ZBTB2: variants seen among roughly 807,000 people sequenced by gnomAD.
ZBTB2 encodes the protein zinc finger and BTB domain containing 2.
In ZBTB2, 2 loss-of-function variants were observed where a neutral mutation model predicts 39.5. The ratio of observed to expected loss-of-function variants is 0.05; its 90% confidence interval spans 0.02 to 0.16. The LOEUF (loss-of-function observed/expected upper bound fraction) is 0.16, where lower values mean the gene tolerates loss of function less well. Ranked by LOEUF, ZBTB2 falls within the 10% of genes least tolerant of loss-of-function variation. ZBTB2 has a pLI of 1.00. For synonymous variants in ZBTB2, 251 were observed against 256.6 expected (o/e 0.98, Z 0.21); for missense variants, 391 against 653.0 (o/e 0.60, Z 4.37).
chr6:151,364,832 CTGTT>C lies in ZBTB2; in HGVS notation c.*685_*688del, dbSNP rs1437751044. On this transcript the variant is annotated 3_prime_UTR_variant, in exon 3 of 3. Coordinates refer to ENST00000325144, the MANE Select transcript of ZBTB2 (RefSeq NM_020861.3). The stretch of plus-strand genomic sequence containing the variant: ...GAGATAAGGATGTGCATTAATTCAC[CTGTT>C]TATTAGCAAGTACCCACACATTTTT... The C allele has an allele frequency of 6.7e-6, 1 of 149,016 alleles. No individual in the cohort carries two copies. The highest frequency in any genetic ancestry group is 1.5e-5 in the Non-Finnish European group (1 of 67,882). The allele number at this position is 149,016 out of a possible 1,614,324, so 9.2% of individuals were successfully genotyped here.
At chr6:151,371,268 G>A (rs1050386396) in intron 2 of ZBTB2, among the ~76,000 whole-genome samples, 1 of 152,162 alleles carries the variant, frequency 6.6e-6, no homozygotes, top group African/African-American at 2.4e-5. Flanking sequence ...TGGCGGCAAA[G>A]ATTTGTAAAA....
chr6:151,368,275 T>C (rs1236619262), intron 2 of ZBTB2, among the ~76,000 whole-genome samples: 1 of 151,798 alleles, frequency 6.6e-6, no homozygotes, highest in African/African-American at 2.4e-5. Flanking sequence ...GCCTCCAGAG[T>C]AGCTGGGACT....
At chr6:151,387,844 T>C (rs1779193774) in intron 1 of ZBTB2, among the ~76,000 whole-genome samples, 2 of 152,236 alleles carry the variant, frequency 1.3e-5, no homozygotes, top group African/African-American at 4.8e-5. Context: ...AAAATGGATC[T>C]ACATATGTTG....
rs1778621822 is a variant in ZBTB2 at position 151,365,439 on chromosome 6, G to A, written c.*82C>T. 4 of 1,458,340 alleles carry A rather than the reference G, an allele frequency of 2.7e-6. No homozygotes were observed. Among genetic ancestry groups the A allele is most frequent in the Non-Finnish European group, 2.8e-6 (3 of 1,079,498 alleles). 90.3% of individuals were successfully genotyped at this position (1,458,340 alleles called of 1,614,324 possible). On this transcript the variant is annotated 3_prime_UTR_variant, in exon 3 of 3. Transcript: ENST00000325144. This position sits in a 1 kb window ranked among gnomAD's most constrained non-coding sequence, Gnocchi z 5.6. ...AAGGACCTGTTTGTATCATGCCATGGAGAACTACAGTTCTGAATTCAGGGA... is the reference window on the plus strand; with the variant it reads ...AAGGACCTGTTTGTATCATGCCATGAAGAACTACAGTTCTGAATTCAGGGA...
intron 2 of ZBTB2, among the ~76,000 whole-genome samples, chr6:151,371,732 T>G (rs1778793507): frequency 3.3e-5 from 5 of 152,122 alleles, no homozygotes. Context: ...CCCAGTATAG[T>G]AGGTTTCTCA....
At chr6:151,373,708 T>C in intron 1 of ZBTB2, 59 bp from the exon 2 acceptor site, 2 of 1,492,218 alleles carry the variant, frequency 1.3e-6, no homozygotes, top group Non-Finnish European at 1.8e-6. Flanking sequence ...ATGTGTCCTT[T>C]ATAGTCACCA....
At chr6:151,367,061 G>A (rs767274911) in intron 2 of ZBTB2, among the ~76,000 whole-genome samples, 169 bp from the exon 3 acceptor site, 1 of 151,870 alleles carries the variant, frequency 6.6e-6, no homozygotes, top group Non-Finnish European at 1.5e-5. Flanking sequence ...CGAAGTTCAC[G>A]TTAAAGAAAT....
At chr6:151,374,270 C>T (rs1163488065) in intron 1 of ZBTB2, among the ~76,000 whole-genome samples, 5 of 152,104 alleles carry the variant, frequency 3.3e-5, no homozygotes, top group African/African-American at 7.2e-5. Flanking sequence ...TTAACACTTA[C>T]GGAGGAAGTG....
At chr6:151,373,230 C>T (rs555983667) in intron 2 of ZBTB2, among the ~76,000 whole-genome samples, 2 of 147,436 alleles carry the variant, frequency 1.4e-5, no homozygotes, top group East Asian at 2.0e-4. Context: ...GCAGGTGACA[C>T]CCAGCGAGGG....
Position 151,364,164 on chromosome 6 carries a change from C to G in ZBTB2, c.*1357G>C, listed in dbSNP as rs916179633. The G allele has an allele frequency of 2.0e-5, 3 of 152,430 alleles. No homozygotes were observed. The highest frequency in any genetic ancestry group is 7.2e-5 in the African/African-American group (3 of 41,380). 9.4% of individuals were successfully genotyped at this position (152,430 alleles called of 1,614,324 possible). A position where few individuals can be genotyped will look rare whatever the true frequency, so the allele number is the denominator to read the frequency against. ...CAATGAAAGGATGTATAAAAACTTACAAATTTGAGAACTCAACTATACATG... is the reference window on the plus strand; with the variant it reads ...CAATGAAAGGATGTATAAAAACTTAGAAATTTGAGAACTCAACTATACATG... On this transcript the variant is annotated 3_prime_UTR_variant, in exon 3 of 3. Transcript: ENST00000325144.
At chr6:151,390,951 G>T (rs1182394166) in intron 1 of ZBTB2, among the ~76,000 whole-genome samples, 1 of 150,636 alleles carries the variant, frequency 6.6e-6, no homozygotes, top group Non-Finnish European at 1.5e-5. Flanking sequence ...CGCACTTCGC[G>T]GTGGCGGCGG....
chr6:151,365,648 G>A lies in ZBTB2; in HGVS notation c.1418C>T (p.Ser473Leu), dbSNP rs915355941. The A allele has an allele frequency of 6.2e-6, 10 of 1,614,216 alleles. No homozygotes were observed. The highest frequency in any genetic ancestry group is 4.4e-5 in the South Asian group (4 of 91,082). ...VVKHSCQNQN[S>L]DVFALDEGRS... ...CCCTTCGTCTAGGGCAAAAACATCC[G>A]AGTTCTGGTTTTGGCATGAATGTTT... The change falls in exon 3 of 3, where the codon TCG becomes TTG. Residue 473 changes from serine to leucine, a missense_variant. Transcript: ENST00000325144. The surrounding 1 kb of genome is among the most constrained non-coding windows in gnomAD (Gnocchi z 5.6).
At chr6:151,390,354 C>T (rs1779259655) in intron 1 of ZBTB2, among the ~76,000 whole-genome samples, 2 of 146,956 alleles carry the variant, frequency 1.4e-5, no homozygotes, top group South Asian at 4.2e-4. Context: ...CGCCCCCTCC[C>T]TGTCCCCGTC....
intron 2 of ZBTB2, among the ~76,000 whole-genome samples, chr6:151,371,280 C>T (rs1778783771): frequency 1.3e-5 from 2 of 152,150 alleles, no homozygotes; most frequent in South Asian, 4.1e-4. Context: ...TTTGTAAAAC[C>T]CAGTCCCTGC....
In ZBTB2 at chr6:151,366,078, C is replaced by A. The variant is rs761712276; in HGVS notation, c.988G>T (p.Asp330Tyr). The change falls in exon 3 of 3, where the codon GAT (aspartate) becomes TAT (tyrosine). Residue 330 changes from aspartate to tyrosine, a missense_variant. Physicochemically the swap from Asp to Tyr is radical, Grantham distance 160. Transcript: ENST00000325144. This position sits in a 1 kb window ranked among gnomAD's most constrained non-coding sequence, Gnocchi z 7.1. ...GGGGTTTCCGACTGCTGCTGCCCAT[C>A]GATGATGGGAGAATCAGAGATGTGC... ...LQHISDSPII[D>Y]GQQQSETPPP... 5 of 1,614,020 alleles carry A rather than the reference C, an allele frequency of 3.1e-6. No individual in the cohort carries two copies. The South Asian group carries it at 5.5e-5, about 18-fold the overall frequency.
chr6:151,373,511 C>A lies in ZBTB2; in HGVS notation c.127G>T (p.Ala43Ser). The A allele has an allele frequency of 6.2e-7, 1 of 1,614,126 alleles. No homozygotes were observed. Among genetic ancestry groups the A allele is most frequent in the Non-Finnish European group, 8.5e-7 (1 of 1,180,032 alleles). The change falls in exon 2 of 3, where the codon GCT (alanine) becomes TCT (serine). Residue 43 changes from alanine (A) to serine (S), a missense_variant. Coordinates refer to ENST00000325144, the MANE Select transcript of ZBTB2 (RefSeq NM_020861.3). Reference sequence around the variant, plus strand: ...ATCTTAAAGTAATTGGAGAATGAAGCAAGAACTGATTTGTGTGCCTTGAAG... The same window carrying A: ...ATCTTAAAGTAATTGGAGAATGAAGAAAGAACTGATTTGTGTGCCTTGAAG... ...VYFKAHKSVL[A>S]SFSNYFKMLF...
At chr6:151,376,503 T>TA (rs1302545342) in intron 1 of ZBTB2, among the ~76,000 whole-genome samples, 6 of 150,924 alleles carry the variant, frequency 4.0e-5, no homozygotes, top group South Asian at 2.1e-4. Flanking sequence ...AACTCAACAG[T>TA]AAAAAAAAAT....
chr6:151,382,859 A>G (rs1779067276), intron 1 of ZBTB2, among the ~76,000 whole-genome samples: 2 of 151,514 alleles, frequency 1.3e-5, no homozygotes, highest in Non-Finnish European at 2.9e-5. Flanking sequence ...CTTGCCCTGA[A>G]AAAATATTTT....
At chr6:151,379,565 C>A (rs1218548878) in intron 1 of ZBTB2, among the ~76,000 whole-genome samples, 1 of 147,708 alleles carries the variant, frequency 6.8e-6, no homozygotes, top group African/African-American at 2.5e-5. Context: ...TCACTTGAGC[C>A]CAGAGGGTTG....
Sources: allele counts gnomAD v4.1 joint callset (sites outside exome capture counted in the v4.1 genomes callset), GRCh38; gene constraint gnomAD v4.1.1; non-coding constraint Gnocchi (gnomAD v3.1); transcripts MANE v1.5; gene names NCBI Gene and HGNC (gene_info 2026-07-23, HGNC 2026-07-21).